The following C12orf42 variants were observed in gnomAD, a reference collection of about 807,000 sequenced individuals.
C12orf42 encodes the protein chromosome 12 open reading frame 42.
C12orf42 carries 25 observed loss-of-function variants against 21.6 expected under a neutral mutation model. That is an observed-to-expected ratio of 1.16 (90% CI 0.84 to 1.62). The LOEUF (loss-of-function observed/expected upper bound fraction) is 1.62. Ranked by LOEUF, C12orf42 falls within the 40% of genes most tolerant of loss-of-function variation. The pLI, the probability that C12orf42 is intolerant of heterozygous loss-of-function variation, is 0.00. For missense variants in C12orf42, 483 were observed against 459.3 expected, an observed-to-expected ratio of 1.05 and a Z score of -0.47; for synonymous variants, 174 against 175.0, an observed-to-expected ratio of 0.99 and a Z score of 0.05.
intron 2 of C12orf42, among the ~76,000 whole-genome samples, chr12:103,450,013 A>G (rs994035635): frequency 2.6e-5 from 4 of 151,894 alleles, no homozygotes; most frequent in African/African-American, 9.6e-5. Flanking sequence ...TTTGTAAATG[A>G]TATCTTGTAT....
At chr12:103,244,203 C>T (rs925037299) in intron 10 of C12orf42, among the ~76,000 whole-genome samples, 1 of 152,092 alleles carries the variant, frequency 6.6e-6, no homozygotes, top group Non-Finnish European at 1.5e-5. Context: ...CCATAACATG[C>T]ACGGATCCTA....
the C12orf42 span, among the ~76,000 whole-genome samples, chr12:103,106,379 A>G: frequency 1.3e-5 from 2 of 152,138 alleles, no homozygotes; most frequent in Non-Finnish European, 2.9e-5. Flanking sequence ...TGAAAAAATA[A>G]AATAATGAAA....
At chr12:103,141,268 G>T in the C12orf42 span, among the ~76,000 whole-genome samples, 10 of 152,266 alleles carry the variant, frequency 6.6e-5, no homozygotes, top group Admixed American at 2.0e-4. Context: ...GACAATTAGG[G>T]TGAGAGAAGA....
At chr12:103,202,589 G>A in the C12orf42 span, among the ~76,000 whole-genome samples, 1 of 152,152 alleles carries the variant, frequency 6.6e-6, no homozygotes, top group Non-Finnish European at 1.5e-5. Flanking sequence ...TTTTGGAGAA[G>A]CTGCCACAGG....
At chr12:103,556,958 G>A in the C12orf42 span, among the ~76,000 whole-genome samples, 1 of 150,120 alleles carries the variant, frequency 6.7e-6, no homozygotes, top group Non-Finnish European at 1.5e-5. Flanking sequence ...AGGCCTGGAA[G>A]AAGCAAGGAA....
At chr12:103,529,169 T>C in the C12orf42 span, among the ~76,000 whole-genome samples, 5 of 152,356 alleles carry the variant, frequency 3.3e-5, no homozygotes, top group East Asian at 9.6e-4. Context: ...CCTATCCACG[T>C]ATCGGCATCT....
chr12:103,181,743 T>C, the C12orf42 span, among the ~76,000 whole-genome samples: 1 of 152,170 alleles, frequency 6.6e-6, no homozygotes, highest in Non-Finnish European at 1.5e-5. Context: ...ACCATATCCA[T>C]CAAAAACTCA....
the C12orf42 span, among the ~76,000 whole-genome samples, chr12:103,508,596 T>C: frequency 6.6e-6 from 1 of 152,204 alleles, no homozygotes; most frequent in Non-Finnish European, 1.5e-5. Context: ...AATGTCCCCA[T>C]TTCCCCATCT....
chr12:103,097,786 C>A, the C12orf42 span, among the ~76,000 whole-genome samples: 1 of 152,184 alleles, frequency 6.6e-6, no homozygotes, highest in Non-Finnish European at 1.5e-5. Flanking sequence ...TTCAATTATC[C>A]TTTTTAAAGT....
intron 4 of C12orf42, among the ~76,000 whole-genome samples, chr12:103,329,897 C>T (rs990997121): frequency 2.0e-5 from 3 of 151,704 alleles, no homozygotes; most frequent in African/African-American, 7.3e-5. Flanking sequence ...TTGTATGACA[C>T]ATATGTATAT....
chr12:103,086,465 C>T, the C12orf42 span, among the ~76,000 whole-genome samples: 1 of 150,550 alleles, frequency 6.6e-6, no homozygotes, highest in East Asian at 1.9e-4. Flanking sequence ...AATCTGAGTA[C>T]TTAACTCTAC....
the C12orf42 span, among the ~76,000 whole-genome samples, chr12:103,050,388 G>C: frequency 1.3e-5 from 2 of 152,112 alleles, no homozygotes; most frequent in South Asian, 4.1e-4. Context: ...CAGAGATTTA[G>C]ATAGGATCGC....
chr12:103,547,508 A>G, the C12orf42 span, among the ~76,000 whole-genome samples: 1 of 152,246 alleles, frequency 6.6e-6, no homozygotes, highest in South Asian at 2.1e-4. Flanking sequence ...ACATTTTATT[A>G]AACAACCTTC....
chr12:103,466,188 G>A (rs1953114229), intron 2 of C12orf42, among the ~76,000 whole-genome samples: 1 of 152,168 alleles, frequency 6.6e-6, no homozygotes, highest in Non-Finnish European at 1.5e-5. Context: ...CAGCTCCTCT[G>A]TACCTCTGGT....
At chr12:103,294,473 A>AGAAAGAAG (rs1566025507) in intron 4 of C12orf42, among the ~76,000 whole-genome samples, 6 of 91,054 alleles carry the variant, frequency 6.6e-5, no homozygotes, top group African/African-American at 1.1e-4. Context: ...AAAGAAAGAA[A>AGAAAGAAG]TAAGCAAGCA....
chr12:103,405,161 G>T (rs555578684), intron 2 of C12orf42, among the ~76,000 whole-genome samples: 2 of 152,282 alleles, frequency 1.3e-5, no homozygotes, highest in East Asian at 3.9e-4. Flanking sequence ...GAGGGAATAA[G>T]GTACTAGGGA....
intron 4 of C12orf42, among the ~76,000 whole-genome samples, chr12:103,324,337 A>C (rs1440419185): frequency 6.6e-6 from 1 of 152,174 alleles, no homozygotes; most frequent in Non-Finnish European, 1.5e-5. Context: ...CTCTATTAAT[A>C]ATAAAATACA....
At chr12:103,080,558 A>G in the C12orf42 span, among the ~76,000 whole-genome samples, 1 of 152,218 alleles carries the variant, frequency 6.6e-6, no homozygotes, top group East Asian at 1.9e-4. Flanking sequence ...ACTAAATGGA[A>G]GAATATAATT....
chr12:103,051,207 A>G, the C12orf42 span, among the ~76,000 whole-genome samples: 1 of 152,196 alleles, frequency 6.6e-6, no homozygotes, highest in African/African-American at 2.4e-5. Flanking sequence ...TATAAGTTAG[A>G]CCTCAACTGT....
Sources: allele counts gnomAD v4.1 joint callset (sites outside exome capture counted in the v4.1 genomes callset), GRCh38; gene constraint gnomAD v4.1.1; transcripts MANE v1.5; gene names NCBI Gene and HGNC (gene_info 2026-07-23, HGNC 2026-07-21).